Variants in ALPK1 observed in about 807,000 individuals in gnomAD.
ALPK1 encodes alpha-protein kinase 1.
A neutral mutation model predicts 120.6 loss-of-function variants in ALPK1; 110 were observed. The ratio of observed to expected loss-of-function variants is 0.91; its 90% CI spans 0.78 to 1.07. ALPK1 has a LOEUF of 1.07. Ranked by LOEUF, ALPK1 falls within the 50% of genes least tolerant of loss-of-function variation. The pLI is 0.00. For missense variants in ALPK1, 1,498 were observed against 1,483.9 expected (o/e 1.01, Z -0.16); for synonymous variants, 582 against 560.3 (o/e 1.04, Z -0.55).
At chr4:112,417,218 C>T (rs1282944344) in intron 5 of ALPK1, among the ~76,000 whole-genome samples, 1 of 152,038 alleles carries the variant, frequency 6.6e-6, no homozygotes, top group Non-Finnish European at 1.5e-5. Flanking sequence ...CTCACATACA[C>T]ACTAAAGGAT....
intron 4 of ALPK1, among the ~76,000 whole-genome samples, chr4:112,408,363 A>AGGACTGGCCTTGCTGAG (rs1467630429): frequency 1.3e-5 from 2 of 152,348 alleles, no homozygotes; most frequent in Non-Finnish European, 2.9e-5. Flanking sequence ...TAGCACAGGA[A>AGGACTGGCCTTGCTGAG]GGACTGGCCT....
At chr4:112,434,937 C>T (rs1053570671) in intron 11 of ALPK1, among the ~76,000 whole-genome samples, 1 of 152,142 alleles carries the variant, frequency 6.6e-6, no homozygotes, top group African/African-American at 2.4e-5. Flanking sequence ...GGCTATTCCT[C>T]ATTGTAATTT....
Position 112,356,018 on chromosome 4 carries a change from C to T in ALPK1, c.-100-21660C>T, listed in dbSNP as rs1236875196. On this transcript the variant is annotated intron_variant, in intron 2 of 15. Transcript: ENST00000650871. ...ACAGCGTTGTGTCCCAGTGTGCATG[C>T]TCGCATCACTTACCAAGAGCGGCTG... 18 of 683,498 alleles carry T rather than the reference C, an allele frequency of 2.6e-5. No homozygotes were observed. In the East Asian group the frequency reaches 4.3e-4, roughly 16 times the overall value. The allele number at this position is 683,498 out of a possible 1,614,324, so 42.3% of individuals were successfully genotyped here.
At chr4:112,401,966 C>T (rs969694685) in intron 4 of ALPK1, among the ~76,000 whole-genome samples, 1 of 152,158 alleles carries the variant, frequency 6.6e-6, no homozygotes, top group African/African-American at 2.4e-5. Flanking sequence ...TTCTCACCTC[C>T]TTATCACATT....
chr4:112,435,032 A>T (rs1734728539), intron 11 of ALPK1, 116 bp from the exon 12 acceptor site: 2 of 996,204 alleles, frequency 2.0e-6, no homozygotes, highest in African/African-American at 3.3e-5. Flanking sequence ...AGAAAAGTGT[A>T]TAAAAAAGTG....
chr4:112,371,337 C>G (rs1731395883), intron 2 of ALPK1, among the ~76,000 whole-genome samples: 1 of 152,170 alleles, frequency 6.6e-6, no homozygotes, highest in Non-Finnish European at 1.5e-5. Context: ...TCCTAGCACT[C>G]TTAAGGTGAA....
At chr4:112,353,229 G>A (rs188425646) in intron 2 of ALPK1, among the ~76,000 whole-genome samples, 1 of 152,190 alleles carries the variant, frequency 6.6e-6, no homozygotes, top group Admixed American at 6.5e-5. Flanking sequence ...GCCTGCCTCA[G>A]CCTCCCAAAG....
At chr4:112,399,739 C>A (rs1308336964) in intron 4 of ALPK1, among the ~76,000 whole-genome samples, 2 of 152,120 alleles carry the variant, frequency 1.3e-5, no homozygotes, top group Non-Finnish European at 2.9e-5. Context: ...GTATTGCTCT[C>A]CCTCCTCTTG....
intron 2 of ALPK1, among the ~76,000 whole-genome samples, chr4:112,360,615 T>G (rs1386489449): frequency 6.6e-6 from 1 of 152,194 alleles, no homozygotes; most frequent in Non-Finnish European, 1.5e-5. Context: ...AATCTACAAG[T>G]TTTTTGCTGA....
chr4:112,359,509 C>A, intron 2 of ALPK1: 2 of 262,358 alleles, frequency 7.6e-6, no homozygotes, highest in East Asian at 9.2e-5. Flanking sequence ...CAGCCCAACC[C>A]AGGCATGGAG....
At chr4:112,375,916 T>G (rs1012846995) in intron 2 of ALPK1, among the ~76,000 whole-genome samples, 3 of 152,178 alleles carry the variant, frequency 2.0e-5, no homozygotes, top group Admixed American at 6.5e-5. Flanking sequence ...TAGAGGCTGC[T>G]GTAGGGTTAT....
chr4:112,433,973 T>C (rs1319299201), intron 11 of ALPK1, among the ~76,000 whole-genome samples: 1 of 152,174 alleles, frequency 6.6e-6, no homozygotes, highest in East Asian at 1.9e-4. Context: ...GAGCTTCTGC[T>C]TCAAAGTATT....
At chr4:112,303,362 A>G (rs1037576949) in intron 1 of ALPK1, among the ~76,000 whole-genome samples, 3 of 152,206 alleles carry the variant, frequency 2.0e-5, no homozygotes, top group Non-Finnish European at 4.4e-5. Flanking sequence ...TGCCTCCACC[A>G]GTAATTTTTA....
chr4:112,432,723 A>C (rs1734629338), intron 11 of ALPK1, 142 bp downstream of exon 11: 7 of 787,476 alleles, frequency 8.9e-6, no homozygotes. Flanking sequence ...AGAAATGTAT[A>C]CTTCAGGGGT....
chr4:112,358,542 T>A, intron 2 of ALPK1: 1 of 698,208 alleles, frequency 1.4e-6, no homozygotes, highest in Non-Finnish European at 2.6e-6. Flanking sequence ...AGCCTGTATA[T>A]GGAGTATGAG....
At chr4:112,416,831 ACACCACTG>A (rs1298181703) in intron 5 of ALPK1, among the ~76,000 whole-genome samples, 3 of 150,676 alleles carry the variant, frequency 2.0e-5, no homozygotes, top group Non-Finnish European at 4.4e-5. Flanking sequence ...AGCCATGATT[ACACCACTG>A]CACTCCAGCC....
intron 2 of ALPK1, among the ~76,000 whole-genome samples, chr4:112,340,433 T>G (rs2148705645): frequency 6.6e-6 from 1 of 152,332 alleles, no homozygotes; most frequent in South Asian, 2.1e-4. Flanking sequence ...AAAGTGAAGT[T>G]AAATGCATAC....
intron 2 of ALPK1, 38 bp downstream of exon 2, chr4:112,315,890 T>A (rs532469793): frequency 6.6e-6 from 1 of 152,196 alleles, no homozygotes; most frequent in Non-Finnish European, 1.5e-5. Flanking sequence ...TAAGTTATTT[T>A]TTCCTAACTA....
intron 5 of ALPK1, among the ~76,000 whole-genome samples, chr4:112,422,405 G>A (rs1734038627): frequency 6.6e-6 from 1 of 152,096 alleles, no homozygotes; most frequent in African/African-American, 2.4e-5. Context: ...TCCCTAGCTA[G>A]ACACCGAGTC....
Sources: gnomAD v4.1 joint callset for allele counts (sites outside exome capture counted in the v4.1 genomes callset) on GRCh38, gnomAD v4.1.1 for gene constraint, MANE v1.5 for transcripts, NCBI Gene and HGNC (gene_info 2026-07-23, HGNC 2026-07-21) for gene names.